The following IKZF3 variants were observed in gnomAD, a reference collection of about 807,000 sequenced individuals.
IKZF3 encodes zinc finger protein Aiolos.
A neutral mutation model predicts 49.0 loss-of-function variants in IKZF3; 10 were observed. That is an observed-to-expected ratio of 0.20 (90% CI 0.13 to 0.35). The LOEUF (loss-of-function observed/expected upper bound fraction) is 0.35. Among genes scored for constraint, IKZF3 ranks in the 10% least tolerant of loss-of-function variants. The pLI, the probability that IKZF3 is intolerant of heterozygous loss-of-function variation, is 1.00. For missense variants in IKZF3, 498 were observed against 664.8 expected (o/e 0.75, Z 2.76); for synonymous variants, 209 against 228.2 (o/e 0.92, Z 0.76).
chr17:39,833,557 CATA>C (rs1189238953), intron 1 of IKZF3, among the ~76,000 whole-genome samples: 3 of 152,174 alleles, frequency 2.0e-5, no homozygotes, highest in East Asian at 1.9e-4. Flanking sequence ...TTTCACTCAA[CATA>C]ATGTTTTGAG....
At chr17:39,796,646 T>C (rs958488275) in intron 3 of IKZF3, among the ~76,000 whole-genome samples, 4 of 151,402 alleles carry the variant, frequency 2.6e-5, no homozygotes, top group Admixed American at 1.3e-4. Context: ...GTTCAAGCGA[T>C]TCTCCTGCCT....
At chr17:39,823,585 G>C (rs551340357) in intron 3 of IKZF3, among the ~76,000 whole-genome samples, 2 of 152,288 alleles carry the variant, frequency 1.3e-5, no homozygotes, top group South Asian at 4.1e-4. Flanking sequence ...GGTCTAGGAG[G>C]CAAAAATGGT....
intron 3 of IKZF3, among the ~76,000 whole-genome samples, chr17:39,823,572 A>G (rs1362380709): frequency 6.6e-6 from 1 of 152,190 alleles, no homozygotes; most frequent in East Asian, 1.9e-4. Context: ...TCACAGGCCC[A>G]AAGGTCTAGG....
At chr17:39,845,374 A>T (rs1166124221) in intron 1 of IKZF3, among the ~76,000 whole-genome samples, 2 of 151,236 alleles carry the variant, frequency 1.3e-5, no homozygotes, top group East Asian at 1.9e-4. Context: ...TACAAAAAAA[A>T]ATTAGCCAGG....
At chr17:39,784,045 C>G (rs1209134018) in intron 6 of IKZF3, among the ~76,000 whole-genome samples, 2 of 152,136 alleles carry the variant, frequency 1.3e-5, no homozygotes, top group African/African-American at 4.8e-5. Context: ...ATTCTGAAGC[C>G]CTCATGCTTG....
At chr17:39,788,199 A>G in intron 6 of IKZF3, 59 bp downstream of exon 6, 4 of 999,466 alleles carry the variant, frequency 4.0e-6, no homozygotes, top group Non-Finnish European at 6.3e-6. Flanking sequence ...TTTACTTACT[A>G]TTGTATCTCA....
intron 1 of IKZF3, among the ~76,000 whole-genome samples, chr17:39,837,236 G>A (rs2062315868): frequency 2.6e-5 from 4 of 151,794 alleles, no homozygotes; most frequent in Admixed American, 1.3e-4. Context: ...TGCCTGGCCT[G>A]GTGCTTTTCA....
chr17:39,857,711 A>C (rs1270285994), intron 1 of IKZF3, among the ~76,000 whole-genome samples: 3 of 152,224 alleles, frequency 2.0e-5, no homozygotes, highest in Non-Finnish European at 4.4e-5. Context: ...AAAGCTGGGC[A>C]AGAAAAGAGT....
intron 1 of IKZF3, among the ~76,000 whole-genome samples, chr17:39,848,990 C>T (rs571840673): frequency 6.6e-6 from 1 of 152,206 alleles, no homozygotes; most frequent in East Asian, 1.9e-4. Context: ...GCAAAGAATT[C>T]TTTAGCAAGA....
At chr17:39,850,380 TAATA>T (rs2062783693) in intron 1 of IKZF3, among the ~76,000 whole-genome samples, 1 of 135,674 alleles carries the variant, frequency 7.4e-6, no homozygotes, top group African/African-American at 2.7e-5. Context: ...TATGTATATA[TAATA>T]TATAGCATAT....
intron 6 of IKZF3, among the ~76,000 whole-genome samples, chr17:39,785,876 A>C (rs1408487938): frequency 6.6e-6 from 1 of 152,248 alleles, no homozygotes; most frequent in Non-Finnish European, 1.5e-5. Flanking sequence ...TCAGCCACAA[A>C]AAGGAATGAA....
At chr17:39,820,515 T>C (rs1313720814) in intron 3 of IKZF3, among the ~76,000 whole-genome samples, 1 of 152,196 alleles carries the variant, frequency 6.6e-6, no homozygotes, top group Non-Finnish European at 1.5e-5. Context: ...TGTGGTATAA[T>C]ACAAAAACAT....
At chr17:39,846,444 C>T (rs1195123590) in intron 1 of IKZF3, among the ~76,000 whole-genome samples, 1 of 144,186 alleles carries the variant, frequency 6.9e-6, no homozygotes, top group African/African-American at 2.6e-5. Flanking sequence ...GACGATGACA[C>T]TATATAAATT....
At chr17:39,780,587 G>A (rs2060716915) in intron 6 of IKZF3, among the ~76,000 whole-genome samples, 1 of 151,820 alleles carries the variant, frequency 6.6e-6, no homozygotes, top group Non-Finnish European at 1.5e-5. Context: ...CCAACTCTTG[G>A]CCTCAGGCAG....
chr17:39,858,753 G>A (rs1004121714), intron 1 of IKZF3, among the ~76,000 whole-genome samples: 4 of 151,226 alleles, frequency 2.6e-5, no homozygotes, highest in South Asian at 2.1e-4. Context: ...AATATAATAC[G>A]GTAATTCCAT....
rs1053619777 is a variant in IKZF3 at position 39,784,415 on chromosome 17, T to C, written c.709+3843A>G. On this transcript the variant is annotated intron_variant, in intron 6 of 7. Coordinates refer to ENST00000346872, the MANE Select transcript of IKZF3 (RefSeq NM_012481.5). ...GTAGCAATATCACTAGTGTCTTTTT[T>C]TTTTTTTGAGATGGAGTCTTGCTCT... 1.2e-4 allele frequency among the ~76,000 whole-genome samples: 18 copies of C among 152,192 alleles called. 1 individual carries two copies. The highest frequency in any genetic ancestry group is 6.2e-4 in the South Asian group (3 of 4,820).
intron 1 of IKZF3, among the ~76,000 whole-genome samples, chr17:39,857,899 G>C (rs970145655): frequency 1.3e-5 from 2 of 151,314 alleles, no homozygotes; most frequent in African/African-American, 4.9e-5. Context: ...TGAGGTGGGA[G>C]GATCGCTTGA....
rs76058022 is a variant in IKZF3 at position 39,797,925 on chromosome 17, T to C, written c.164-4992A>G. ...CTTATATGATTAATTTCCATATATA[T>C]AACTCCAGGTGTAACCTCTCTCCCT... On this transcript the variant is annotated intron_variant, in intron 3 of 7. Coordinates refer to ENST00000346872, the MANE Select transcript of IKZF3 (RefSeq NM_012481.5). Among the ~76,000 whole-genome samples the C allele has an allele frequency of 9.9e-3, 1,514 of 152,260 alleles. 35 individuals carry two copies. The highest frequency in any genetic ancestry group is 0.035 in the African/African-American group (1,463 of 41,540).
intron 1 of IKZF3, among the ~76,000 whole-genome samples, chr17:39,848,632 T>G (rs1471851696): frequency 6.6e-6 from 1 of 152,164 alleles, no homozygotes. Flanking sequence ...CAATCAAACT[T>G]CTAGAGGAAA....
Sources: allele counts gnomAD v4.1 joint callset (sites outside exome capture counted in the v4.1 genomes callset), GRCh38; gene constraint gnomAD v4.1.1; transcripts MANE v1.5; gene names NCBI Gene and HGNC (gene_info 2026-07-23, HGNC 2026-07-21).